Variants in ARHGAP26 observed in about 807,000 individuals in gnomAD.
ARHGAP26 encodes the protein Rho GTPase activating protein 26.
ARHGAP26 carries 38 observed loss-of-function variants against 104.8 expected under a neutral mutation model. That is an observed-to-expected ratio of 0.36 (90% CI 0.28 to 0.48). The LOEUF is 0.48. Ranked by LOEUF, ARHGAP26 falls within the 20% of genes least tolerant of loss-of-function variation. ARHGAP26 has a pLI of 0.99. For missense variants in ARHGAP26, 704 were observed against 947.9 expected (o/e 0.74, Z 3.38); for synonymous variants, 341 against 340.0 (o/e 1.00, Z -0.03).
chr5:142,778,471 T>C (rs1756817360), intron 1 of ARHGAP26, among the ~76,000 whole-genome samples: 1 of 152,240 alleles, frequency 6.6e-6, no homozygotes, highest in Non-Finnish European at 1.5e-5. Flanking sequence ...GGGATTATAC[T>C]ATAAGGATTA....
intron 22 of ARHGAP26, among the ~76,000 whole-genome samples, chr5:143,219,144 G>A (rs1483037749): frequency 1.3e-5 from 2 of 152,240 alleles, no homozygotes; most frequent in Admixed American, 6.5e-5. Context: ...TGGGAAGGGA[G>A]TTGGTCTCTG....
At chr5:142,798,061 A>T (rs1298204577) in intron 1 of ARHGAP26, among the ~76,000 whole-genome samples, 1 of 152,208 alleles carries the variant, frequency 6.6e-6, no homozygotes, top group African/African-American at 2.4e-5. Context: ...AGCATTTGCC[A>T]GGTGGACTCA....
At chr5:142,990,869 C>T (rs565401196) in intron 11 of ARHGAP26, among the ~76,000 whole-genome samples, 1 of 152,114 alleles carries the variant, frequency 6.6e-6, no homozygotes, top group Non-Finnish European at 1.5e-5. Flanking sequence ...GTCAGTCGGC[C>T]CCTACTGAGT....
intron 1 of ARHGAP26, among the ~76,000 whole-genome samples, chr5:142,816,894 G>A (rs981073014): frequency 5.9e-5 from 9 of 152,172 alleles, no homozygotes; most frequent in Non-Finnish European, 1.3e-4. Flanking sequence ...GGAGGCAGGA[G>A]CAGCGGGAGG....
chr5:143,015,622 A>G (rs1779482089), intron 12 of ARHGAP26, among the ~76,000 whole-genome samples: 1 of 152,170 alleles, frequency 6.6e-6, no homozygotes, highest in Admixed American at 6.5e-5. Flanking sequence ...AGCCATCAGG[A>G]CCAGAGGGGA....
chr5:143,167,769 C>G (rs1411813303), intron 20 of ARHGAP26, among the ~76,000 whole-genome samples: 1 of 152,112 alleles, frequency 6.6e-6, no homozygotes, highest in Non-Finnish European at 1.5e-5. Flanking sequence ...GCCGTGTTCT[C>G]CATCACATAT....
At chr5:142,795,486 G>A (rs1406220521) in intron 1 of ARHGAP26, among the ~76,000 whole-genome samples, 5 of 152,120 alleles carry the variant, frequency 3.3e-5, no homozygotes, top group East Asian at 3.8e-4. Context: ...TTGGGAACTT[G>A]GTGCCAATCT....
At chr5:142,961,718 T>G (rs1770285825) in intron 11 of ARHGAP26, among the ~76,000 whole-genome samples, 1 of 152,224 alleles carries the variant, frequency 6.6e-6, no homozygotes, top group Non-Finnish European at 1.5e-5. Flanking sequence ...GTGCCCTTGA[T>G]GTTTTCAGCC....
intron 12 of ARHGAP26, among the ~76,000 whole-genome samples, chr5:143,034,729 G>T (rs1366880703): frequency 6.6e-6 from 1 of 151,770 alleles, no homozygotes; most frequent in East Asian, 1.9e-4. Flanking sequence ...TAAACTTATG[G>T]TATATGAAGT....
chr5:143,168,445 C>CTTTTTTTTGTTTTTTTTTTTTTTTT (rs1802322504), intron 20 of ARHGAP26: 1 of 25,670 alleles, frequency 3.9e-5, no homozygotes, highest in East Asian at 1.9e-3. Context: ...ATCTGGAACT[C>CTTTTTTTTGTTTTTTTTTTTTTTTT]TTTTTTTTTT....
At chr5:143,096,526 G>A (rs1792334696) in intron 17 of ARHGAP26, among the ~76,000 whole-genome samples, 1 of 152,184 alleles carries the variant, frequency 6.6e-6, no homozygotes, top group South Asian at 2.1e-4. Flanking sequence ...GGTTCAGCTT[G>A]CAACTCAGTC....
chr5:143,112,167 A>G lies in ARHGAP26; in HGVS notation c.1539-8821A>G, dbSNP rs554788742. ...ATATTTATAATTCAGTAAGTACCAG[A>G]AAAGAGAATTGAAGAATTAGAATTA... On this transcript the variant is annotated intron_variant, in intron 17 of 22. Coordinates refer to ENST00000645722, the MANE Select transcript of ARHGAP26 (RefSeq NM_001135608.3). Among the ~76,000 whole-genome samples the G allele has an allele frequency of 2.0e-5, 3 of 152,320 alleles. No individual in the cohort carries two copies. The East Asian group carries it at 5.8e-4, about 29-fold the overall frequency.
At chr5:142,794,243 C>T (rs904399582) in intron 1 of ARHGAP26, among the ~76,000 whole-genome samples, 2 of 152,216 alleles carry the variant, frequency 1.3e-5, no homozygotes, top group Non-Finnish European at 2.9e-5. Context: ...AGCCTGTGCT[C>T]ATCCTTGAGA....
At chr5:142,971,096 AT>A (rs1772199201) in intron 11 of ARHGAP26, among the ~76,000 whole-genome samples, 1 of 152,002 alleles carries the variant, frequency 6.6e-6, no homozygotes, top group East Asian at 1.9e-4. Context: ...TTTGAAAATA[AT>A]TTTTTTTCAG....
chr5:143,184,285 C>G (rs1203699274), intron 20 of ARHGAP26, among the ~76,000 whole-genome samples: 1 of 152,158 alleles, frequency 6.6e-6, no homozygotes, highest in East Asian at 1.9e-4. Flanking sequence ...ATACTCATTA[C>G]AAATATTCAG....
At chr5:142,875,711 A>G (rs1008244921) in intron 3 of ARHGAP26, among the ~76,000 whole-genome samples, 5 of 152,220 alleles carry the variant, frequency 3.3e-5, no homozygotes, top group Non-Finnish European at 7.3e-5. Context: ...GCTGATCTCC[A>G]GGTTCTTAAG....
chr5:142,969,052 CT>C lies in ARHGAP26; in HGVS notation c.1107+36928del, dbSNP rs567829628. 3.2e-3 allele frequency among the ~76,000 whole-genome samples: 491 copies of C among 152,334 alleles called. 6 individuals carry two copies. The highest frequency in any genetic ancestry group is 3.6e-3 in the Non-Finnish European group (244 of 68,024). On this transcript the variant is annotated intron_variant, in intron 11 of 22. Coordinates refer to ENST00000645722, the MANE Select transcript of ARHGAP26 (RefSeq NM_001135608.3). ...GCTCAAGTGATCCTCCTGCCTCAGC[CT>C]CCCAATTAGCTAGGACCACAGGTGT...
intron 20 of ARHGAP26, among the ~76,000 whole-genome samples, chr5:143,197,266 T>C (rs1009200844): frequency 3.3e-5 from 5 of 152,224 alleles, no homozygotes; most frequent in Non-Finnish European, 7.3e-5. Flanking sequence ...GGGAATGGTA[T>C]CTTCACCTTT....
At chr5:142,829,015 A>G (rs1054078056) in intron 1 of ARHGAP26, among the ~76,000 whole-genome samples, 1 of 152,230 alleles carries the variant, frequency 6.6e-6, no homozygotes, top group Non-Finnish European at 1.5e-5. Flanking sequence ...ATTGGAAGTT[A>G]GCCACTGTGT....
Sources: allele counts gnomAD v4.1 joint callset (sites outside exome capture counted in the v4.1 genomes callset), GRCh38; gene constraint gnomAD v4.1.1; transcripts MANE v1.5; gene names NCBI Gene and HGNC (gene_info 2026-07-23, HGNC 2026-07-21).